The following SEMA3A variants were observed in gnomAD, a reference collection of about 807,000 sequenced individuals.
SEMA3A encodes the protein semaphorin-3A.
A neutral mutation model predicts 97.9 loss-of-function variants in SEMA3A; 29 were observed. That is an observed-to-expected ratio of 0.30 (90% CI 0.22 to 0.40). The LOEUF (loss-of-function observed/expected upper bound fraction) is 0.40, where lower values mean the gene tolerates loss of function less well. Ranked by LOEUF, SEMA3A falls within the 10% of genes least tolerant of loss-of-function variation. The probability of loss-of-function intolerance (pLI) is 1.00; values close to 1 mark genes in which losing one functional copy is unlikely to be tolerated. For missense variants in SEMA3A, 763 were observed against 951.3 expected (o/e 0.80, Z 2.60); for synonymous variants, 321 against 323.7 (o/e 0.99, Z 0.09).
intron 1 of SEMA3A, among the ~76,000 whole-genome samples, chr7:84,471,914 T>A (rs1007311116): frequency 6.6e-6 from 1 of 151,922 alleles, no homozygotes; most frequent in Admixed American, 6.6e-5. Context: ...CTTCAAATCA[T>A]CTGACTTTCA....
At chr7:84,481,907 T>A (rs564891740) in intron 1 of SEMA3A, among the ~76,000 whole-genome samples, 3 of 151,730 alleles carry the variant, frequency 2.0e-5, no homozygotes, top group Non-Finnish European at 4.4e-5. Flanking sequence ...CAAGAGTAGT[T>A]TATTAATTTA....
At chr7:84,218,487 T>C (rs898357008) in intron 3 of SEMA3A, among the ~76,000 whole-genome samples, 3 of 152,112 alleles carry the variant, frequency 2.0e-5, no homozygotes, top group African/African-American at 7.2e-5. Flanking sequence ...GAAAATTATG[T>C]ATAAAAGACA....
At chr7:84,321,897 A>G (rs367935190) in intron 2 of SEMA3A, among the ~76,000 whole-genome samples, 21 of 84,316 alleles carry the variant, frequency 2.5e-4, no homozygotes, top group African/African-American at 9.4e-4. Flanking sequence ...AAAAAAAAAA[A>G]AAGAAGAAGA....
intron 1 of SEMA3A, among the ~76,000 whole-genome samples, chr7:84,165,000 G>A (rs1472626932): frequency 1.3e-5 from 2 of 152,070 alleles, no homozygotes; most frequent in African/African-American, 4.8e-5. Context: ...TTGAGCTCAG[G>A]TGTTCAAGAC....
intron 15 of SEMA3A, among the ~76,000 whole-genome samples, chr7:83,968,561 T>C (rs897541083): frequency 2.6e-5 from 4 of 152,148 alleles, no homozygotes; most frequent in Non-Finnish European, 5.9e-5. Flanking sequence ...AAAAAAGCAG[T>C]TAGACAAATG....
At chr7:84,451,286 T>C (rs1228980075) in intron 1 of SEMA3A, among the ~76,000 whole-genome samples, 1 of 152,220 alleles carries the variant, frequency 6.6e-6, no homozygotes, top group Non-Finnish European at 1.5e-5. Flanking sequence ...ACATTTCTTC[T>C]AACCCTATAT....
intron 3 of SEMA3A, among the ~76,000 whole-genome samples, chr7:84,225,425 C>T (rs1171209062): frequency 6.6e-6 from 1 of 151,992 alleles, no homozygotes; most frequent in African/African-American, 2.4e-5. Context: ...TTAGAGAAAG[C>T]AAGATTATTG....
chr7:84,364,164 T>C (rs1208047871), intron 2 of SEMA3A, among the ~76,000 whole-genome samples: 2 of 151,698 alleles, frequency 1.3e-5, no homozygotes, highest in African/African-American at 4.8e-5. Context: ...TAATTTCCAG[T>C]ACAGTAAATA....
chr7:84,166,494 C>A (rs1211589838), intron 1 of SEMA3A, among the ~76,000 whole-genome samples: 1 of 149,580 alleles, frequency 6.7e-6, no homozygotes, highest in East Asian at 2.0e-4. Flanking sequence ...TTGCTTGAAC[C>A]CAGGAGGCGG....
intron 1 of SEMA3A, among the ~76,000 whole-genome samples, chr7:84,459,788 G>T (rs957539228): frequency 6.6e-6 from 1 of 152,266 alleles, no homozygotes; most frequent in East Asian, 1.9e-4. Flanking sequence ...AGAACTCTGG[G>T]AGGCCAAAGC....
intron 1 of SEMA3A, among the ~76,000 whole-genome samples, chr7:84,465,580 G>C (rs1805970092): frequency 6.6e-6 from 1 of 151,948 alleles, no homozygotes; most frequent in African/African-American, 2.4e-5. Flanking sequence ...ATTTCTAACT[G>C]CAAATGTTTA....
chr7:84,451,132 A>T (rs1374303657), intron 1 of SEMA3A, among the ~76,000 whole-genome samples: 2 of 152,106 alleles, frequency 1.3e-5, no homozygotes, highest in East Asian at 1.9e-4. Flanking sequence ...GAGTTTTAAA[A>T]TTTCATTTTC....
At chr7:84,432,802 A>G (rs1270954346) in intron 1 of SEMA3A, among the ~76,000 whole-genome samples, 1 of 151,238 alleles carries the variant, frequency 6.6e-6, no homozygotes, top group East Asian at 1.9e-4. Context: ...ATAGACATCT[A>G]GGTTGATTCC....
chr7:84,345,407 GC>G (rs1370958529), intron 2 of SEMA3A, among the ~76,000 whole-genome samples: 2 of 152,072 alleles, frequency 1.3e-5, no homozygotes, highest in African/African-American at 2.4e-5. Context: ...AATAAAATTT[GC>G]CACACTGATT....
chr7:84,237,294 A>T (rs1159554002), intron 3 of SEMA3A, among the ~76,000 whole-genome samples: 1 of 152,142 alleles, frequency 6.6e-6, no homozygotes, highest in Admixed American at 6.6e-5. Context: ...TAAGATTAAG[A>T]TTTGAGATAG....
chr7:84,312,903 TATATATATATATATATATACAC>T (rs1418034530), intron 2 of SEMA3A, among the ~76,000 whole-genome samples: 6,385 of 63,314 alleles, frequency 0.1, 479 homozygotes, highest in Non-Finnish European at 0.17. Flanking sequence ...TATATATATA[TATATATATATATATATATACAC>T]ACACACACAC....
chr7:83,963,342 G>C lies in SEMA3A; in HGVS notation c.1723C>G (p.His575Asp), dbSNP rs200993631. 1.9e-6 allele frequency: 3 copies of C among 1,611,908 alleles called. No individual in the cohort carries two copies. The highest frequency in any genetic ancestry group is 1.3e-5 in the African/African-American group (1 of 75,036). Residue 575 changes from histidine (H) to aspartate (D), a missense_variant, in exon 16 of 17, where the codon CAC becomes GAC. Coordinates refer to ENST00000265362, the MANE Select transcript of SEMA3A (RefSeq NM_006080.3). ...THCSDLHHDN[H>D]HGHSPEERII... is the part of the protein sequence containing the mutation. ...CTCTCTTCAGGGCTGTGGCCATGGT[G>C]ATTATCTGGCCAGTGATGAGAAAAT... is the stretch of plus-strand genomic sequence containing the variant.
intron 6 of SEMA3A, among the ~76,000 whole-genome samples, chr7:84,016,853 A>T (rs984529011): frequency 6.6e-6 from 1 of 152,228 alleles, no homozygotes; most frequent in East Asian, 1.9e-4. Flanking sequence ...AAGTTTGAGG[A>T]TATTATAATC....
intron 3 of SEMA3A, among the ~76,000 whole-genome samples, chr7:84,292,735 T>C (rs1048464224): frequency 6.6e-6 from 1 of 152,094 alleles, no homozygotes; most frequent in East Asian, 1.9e-4. Flanking sequence ...GTTTCAAGAA[T>C]GTGTAAAGAA....
Sources: allele counts gnomAD v4.1 joint callset (sites outside exome capture counted in the v4.1 genomes callset), GRCh38; gene constraint gnomAD v4.1.1; transcripts MANE v1.5; gene names NCBI Gene and HGNC (gene_info 2026-07-23, HGNC 2026-07-21).